Variants in TMCC3 observed in about 807,000 individuals in gnomAD.
TMCC3 encodes the protein transmembrane and coiled-coil domain protein 3.
In TMCC3, 28 loss-of-function variants were observed where a neutral mutation model predicts 40.2. That is an observed-to-expected ratio of 0.70 (90% CI 0.52 to 0.95). TMCC3 has a LOEUF of 0.95. TMCC3 is among the 40% of genes least tolerant of loss of function. The probability of loss-of-function intolerance (pLI) is 0.00; values close to 1 mark genes in which losing one functional copy is unlikely to be tolerated. For missense variants in TMCC3, 554 were observed against 615.2 expected (o/e 0.90, Z 1.05); for synonymous variants, 255 against 248.5 (o/e 1.03, Z -0.25).
intron 3 of TMCC3, 104 bp downstream of exon 3, chr12:94,578,290 G>A: frequency 2.2e-6 from 3 of 1,353,692 alleles, no homozygotes; most frequent in South Asian, 3.3e-5. Flanking sequence ...TTTGTGCCAT[G>A]TGCCAGAAAC....
intron 2 of TMCC3, among the ~76,000 whole-genome samples, chr12:94,578,844 G>A (rs2068583605): frequency 6.6e-6 from 1 of 152,284 alleles, no homozygotes; most frequent in South Asian, 2.1e-4. Flanking sequence ...GCCAGGGCCA[G>A]GCAGGAGACA....
rs1376846782 is a variant in TMCC3 at position 94,597,148 on chromosome 12, TATATATATATGTATATAA to T, written c.79-14628_79-14611del. Among the ~76,000 whole-genome samples, 52 of 13,956 alleles carry T rather than the reference TATATATATATGTATATAA, an allele frequency of 3.7e-3. 3 individuals are homozygous for T. Among genetic ancestry groups the T allele is most frequent in the Middle Eastern group, 0.083 (1 of 12 alleles). The allele number at this position is 13,956 out of a possible 152,430, so 9.2% of individuals were successfully genotyped here. A position where few individuals can be genotyped will look rare whatever the true frequency, so the allele number is the denominator to read the frequency against. On this transcript the variant is annotated intron_variant, in intron 1 of 3. Coordinates refer to ENST00000261226, the MANE Select transcript of TMCC3 (RefSeq NM_020698.4). ...ACATATATATATATATATATATATATATATATATATGTATATAAATTAGCCAGGCCTGCTGGCGTGCCT... is the reference window on the plus strand; with the variant it reads ...ACATATATATATATATATATATATATATTAGCCAGGCCTGCTGGCGTGCCT...
At chr12:94,608,693 T>C (rs919203138) in intron 1 of TMCC3, among the ~76,000 whole-genome samples, 2 of 152,124 alleles carry the variant, frequency 1.3e-5, no homozygotes, top group African/African-American at 4.8e-5. Flanking sequence ...TCTCAGCCTC[T>C]TAGCTGGACC....
At chr12:94,600,487 G>A (rs531176650) in intron 1 of TMCC3, among the ~76,000 whole-genome samples, 3 of 152,184 alleles carry the variant, frequency 2.0e-5, no homozygotes, top group Admixed American at 1.3e-4. Flanking sequence ...GATGTTCAAC[G>A]ATTCTTCCTT....
At chr12:94,627,890 C>A (rs1206903561) in intron 1 of TMCC3, among the ~76,000 whole-genome samples, 3 of 152,236 alleles carry the variant, frequency 2.0e-5, no homozygotes, top group Non-Finnish European at 4.4e-5. Flanking sequence ...ACATATTCCA[C>A]AAGGGTAGGG....
intron 1 of TMCC3, among the ~76,000 whole-genome samples, chr12:94,609,602 T>C (rs2138858004): frequency 6.6e-6 from 1 of 152,356 alleles, no homozygotes; most frequent in South Asian, 2.1e-4. Context: ...TTTGCTATTT[T>C]CATATTATTT....
chr12:94,584,330 C>T (rs561617705), intron 1 of TMCC3, among the ~76,000 whole-genome samples: 1 of 152,126 alleles, frequency 6.6e-6, no homozygotes, highest in Non-Finnish European at 1.5e-5. Context: ...TGCCTGCTCC[C>T]GCTCTGCCTT....
intron 1 of TMCC3, among the ~76,000 whole-genome samples, chr12:94,648,220 T>TTTATTTA (rs1555286914): frequency 6.0e-5 from 9 of 149,638 alleles, no homozygotes; most frequent in African/African-American, 2.2e-4. Flanking sequence ...AGTAGAATTG[T>TTTATTTA]TTTATTTATT....
At chr12:94,632,495 T>C (rs1341679378) in intron 1 of TMCC3, among the ~76,000 whole-genome samples, 2 of 152,212 alleles carry the variant, frequency 1.3e-5, no homozygotes, top group African/African-American at 4.8e-5. Flanking sequence ...ATCAGCATCA[T>C]AAAAATTTTC....
At chr12:94,582,583 A>T (rs759411602) in intron 1 of TMCC3, 45 bp from the exon 2 acceptor site, 1 of 1,496,346 alleles carries the variant, frequency 6.7e-7, no homozygotes, top group South Asian at 1.3e-5. Flanking sequence ...GAAGTCAAAG[A>T]GATAATTACT....
At position 94,568,706 on chromosome 12, in the gene TMCC3, G is replaced by T. The variant is rs1025655821; in HGVS notation, c.*2729C>A. 7 of 152,178 alleles carry T rather than the reference G, an allele frequency of 4.6e-5. No individual in the cohort carries two copies. Among genetic ancestry groups the T allele is most frequent in the African/African-American group, 1.7e-4 (7 of 41,438 alleles). 9.4% of individuals were successfully genotyped at this position (152,178 alleles called of 1,614,324 possible). ...CAGAGATTAAAAGTTTCCTTCGAGT[G>T]TATCATCTTATTAAAAAGTACAAAG... is the stretch of plus-strand genomic sequence containing the variant. On this transcript the variant is annotated 3_prime_UTR_variant, in exon 4 of 4. Transcript: ENST00000261226.
Position 94,582,200 on chromosome 12 carries a change from C to T in TMCC3, c.417G>A (p.Lys139=). Residue 139 remains lysine, a synonymous_variant, in exon 2 of 4, where the codon AAG becomes AAA. Coordinates refer to ENST00000261226, the MANE Select transcript of TMCC3 (RefSeq NM_020698.4). Reference sequence around the variant, plus strand: ...CTCCATTCTGCTCGATCTCTCTGAGCTTTCGATGATACTGCTCTAACTTCT... The same window carrying T: ...CTCCATTCTGCTCGATCTCTCTGAGTTTTCGATGATACTGCTCTAACTTCT... ...LQKKLEQYHR[K]LREIEQNGAS... The T allele has an allele frequency of 6.2e-7, 1 of 1,614,168 alleles. No individual in the cohort carries two copies. The highest frequency in any genetic ancestry group is 8.5e-7 in the Non-Finnish European group (1 of 1,180,034).
intron 1 of TMCC3, among the ~76,000 whole-genome samples, chr12:94,598,377 T>C (rs1418400722): frequency 4.2e-4 from 2 of 4,810 alleles, no homozygotes; most frequent in African/African-American, 5.7e-3. Flanking sequence ...TGTGCTACCA[T>C]TAAATATGCA....
chr12:94,577,214 ACT>A (rs1437837190), intron 3 of TMCC3, among the ~76,000 whole-genome samples: 1 of 151,884 alleles, frequency 6.6e-6, no homozygotes, highest in Non-Finnish European at 1.5e-5. Context: ...TTTGAGACAG[ACT>A]CTCACTGTGT....
At chr12:94,625,331 T>C (rs2068898334) in intron 1 of TMCC3, among the ~76,000 whole-genome samples, 1 of 151,776 alleles carries the variant, frequency 6.6e-6, no homozygotes, top group African/African-American at 2.4e-5. Context: ...CTCATTCCTG[T>C]AATTCCAGCA....
At chr12:94,575,471 G>A (rs921010319) in intron 3 of TMCC3, among the ~76,000 whole-genome samples, 2 of 152,152 alleles carry the variant, frequency 1.3e-5, no homozygotes, top group East Asian at 1.9e-4. Flanking sequence ...CTCATCCAGG[G>A]TCACACAGCA....
intron 1 of TMCC3, among the ~76,000 whole-genome samples, chr12:94,596,043 T>C (rs558363365): frequency 5.3e-5 from 8 of 152,332 alleles, no homozygotes; most frequent in African/African-American, 1.9e-4. Flanking sequence ...GATTATACCC[T>C]GTTCTCTCCC....
chr12:94,572,739 G>T (rs1274696138), intron 3 of TMCC3, among the ~76,000 whole-genome samples: 3 of 152,192 alleles, frequency 2.0e-5, no homozygotes, highest in Admixed American at 1.3e-4. Context: ...GGAGTGTGTG[G>T]GATCTCCAAT....
chr12:94,646,624 A>G (rs968374502), intron 1 of TMCC3, among the ~76,000 whole-genome samples: 2 of 151,718 alleles, frequency 1.3e-5, no homozygotes, highest in Non-Finnish European at 2.9e-5. Context: ...TTTTTAGTAG[A>G]GACAGGGTTT....
Sources: allele counts gnomAD v4.1 joint callset (sites outside exome capture counted in the v4.1 genomes callset), GRCh38; gene constraint gnomAD v4.1.1; transcripts MANE v1.5; gene names NCBI Gene and HGNC (gene_info 2026-07-23, HGNC 2026-07-21).